Variants in DOCK9 observed in about 807,000 individuals in gnomAD.
DOCK9 encodes dedicator of cytokinesis 9.
Under a neutral mutation model 263.3 loss-of-function variants are expected in DOCK9, and 89 were observed. The ratio of observed to expected loss-of-function variants is 0.34; its 90% CI spans 0.28 to 0.40. The LOEUF (loss-of-function observed/expected upper bound fraction) is 0.40, where lower values mean the gene tolerates loss of function less well. DOCK9 is among the 10% of genes least tolerant of loss of function. The pLI, the probability that DOCK9 is intolerant of heterozygous loss-of-function variation, is 1.00. For synonymous variants in DOCK9, 976 were observed against 973.1 expected, an observed-to-expected ratio of 1.00 and a Z score of -0.06; for missense variants, 2,140 against 2,603.4, an observed-to-expected ratio of 0.82 and a Z score of 3.87.
In DOCK9 at chr13:98,867,912, A is replaced by G. The variant is rs570163842; in HGVS notation, c.3174+16T>C. 2.5e-6 allele frequency: 4 copies of G among 1,610,712 alleles called. No homozygotes were observed. In the African/African-American group the frequency reaches 4.0e-5, roughly 16 times the overall value. Reference sequence around the variant, plus strand: ...TACATGGTGACTTCTGTTACCAGTAACAACCCCCGCACTACCTTTGGGTCT... The same window carrying G: ...TACATGGTGACTTCTGTTACCAGTAGCAACCCCCGCACTACCTTTGGGTCT... On this transcript the variant is annotated intron_variant, in intron 29 of 52. Coordinates refer to ENST00000682017, the MANE Select transcript of DOCK9 (RefSeq NM_001366683.2).
At position 98,793,450 on chromosome 13, in the gene DOCK9, A is replaced by G. The variant is rs1345120006; in HGVS notation, c.*1176T>C. 6.6e-6 allele frequency: 1 copy of G among 152,436 alleles called. No homozygotes were observed. The highest frequency in any genetic ancestry group is 1.5e-5 in the Non-Finnish European group (1 of 68,036). The allele number at this position is 152,436 out of a possible 1,614,324, so 9.4% of individuals were successfully genotyped here. ...GAGGATTTTGGTATCCTGTTCCCTT[A>G]GGACTGCTGAACAATAAACACCCAG... On this transcript the variant is annotated 3_prime_UTR_variant, in exon 53 of 53. Transcript: ENST00000682017.
intron 1 of DOCK9, among the ~76,000 whole-genome samples, 158 bp downstream of exon 1, chr13:98,977,626 A>T (rs1435777138): frequency 6.6e-6 from 1 of 152,194 alleles, no homozygotes; most frequent in African/African-American, 2.4e-5. Context: ...TCAAAGGGGA[A>T]TCGAAGTCAT....
chr13:98,859,729 T>TTGTGTGTTTGTGTG (rs2093801166), intron 33 of DOCK9: 2 of 142,632 alleles, frequency 1.4e-5, no homozygotes, highest in African/African-American at 5.2e-5. Context: ...ATATGTGTGT[T>TTGTGTGTTTGTGTG]TGTGTGTGTG....
chr13:98,982,033 T>C (rs1244655517), upstream of DOCK9, among the ~76,000 whole-genome samples: 3 of 152,178 alleles, frequency 2.0e-5, no homozygotes, highest in Non-Finnish European at 4.4e-5. Flanking sequence ...ACAACAAACA[T>C]ATCTATGAAC....
At chr13:99,076,876 T>A (rs922410899) in intron 1 of DOCK9, among the ~76,000 whole-genome samples, 2 of 151,916 alleles carry the variant, frequency 1.3e-5, no homozygotes, top group Non-Finnish European at 2.9e-5. Context: ...ATAAATAAAT[T>A]GTGATAAGTG....
chr13:99,019,871 C>T (rs1369716641), intron 1 of DOCK9, among the ~76,000 whole-genome samples: 5 of 152,022 alleles, frequency 3.3e-5, no homozygotes, highest in African/African-American at 9.7e-5. Context: ...GAGGCCGAGG[C>T]GGGCAGATCA....
chr13:98,950,446 A>G (rs2057276742), intron 2 of DOCK9: 3 of 653,978 alleles, frequency 4.6e-6, no homozygotes, highest in Non-Finnish European at 8.0e-6. Flanking sequence ...TTGCTCTGCC[A>G]TCTTTCTAGT....
chr13:99,048,703 A>G (rs1345192399), intron 1 of DOCK9, among the ~76,000 whole-genome samples: 2 of 152,204 alleles, frequency 1.3e-5, no homozygotes, highest in Non-Finnish European at 2.9e-5. Flanking sequence ...GCTCACATGC[A>G]ACACTCCCAT....
intron 2 of DOCK9, among the ~76,000 whole-genome samples, chr13:98,942,220 GTTT>G (rs60412646): frequency 5.3e-5 from 7 of 132,430 alleles, no homozygotes; most frequent in African/African-American, 1.2e-4. Context: ...CTCTGGTTAT[GTTT>G]TTTTTTTTGT....
chr13:98,822,684 C>T (rs2092342887), intron 45 of DOCK9, among the ~76,000 whole-genome samples: 1 of 151,968 alleles, frequency 6.6e-6, no homozygotes, highest in Admixed American at 6.6e-5. Flanking sequence ...AACAAACAAA[C>T]AAACAAACAA....
chr13:99,029,498 T>C (rs995569491), intron 1 of DOCK9, among the ~76,000 whole-genome samples: 2 of 152,216 alleles, frequency 1.3e-5, no homozygotes, highest in African/African-American at 4.8e-5. Flanking sequence ...CCTGACTTTG[T>C]ATTACATTAG....
At chr13:98,909,032 A>T (rs991064796) in intron 9 of DOCK9, among the ~76,000 whole-genome samples, 20 of 152,200 alleles carry the variant, frequency 1.3e-4, no homozygotes, top group African/African-American at 4.8e-4. Context: ...TTGTGATGGT[A>T]AGAAGAGCCA....
chr13:98,959,166 A>G (rs1422625022), intron 1 of DOCK9, among the ~76,000 whole-genome samples: 2 of 152,244 alleles, frequency 1.3e-5, no homozygotes, highest in East Asian at 3.8e-4. Flanking sequence ...GTCTTCTGTT[A>G]AACAGAACTC....
At chr13:98,805,988 G>A (rs900724081) in intron 48 of DOCK9, among the ~76,000 whole-genome samples, 1 of 152,136 alleles carries the variant, frequency 6.6e-6, no homozygotes, top group Non-Finnish European at 1.5e-5. Flanking sequence ...TCGAACTCCC[G>A]ACCTCAGGTG....
intron 1 of DOCK9, among the ~76,000 whole-genome samples, chr13:99,071,768 C>T (rs9557131): frequency 0.53 from 79,949 of 151,970 alleles, 21,297 homozygotes; most frequent in South Asian, 0.68. Context: ...TTCCACCATT[C>T]GCTTTAGTTT....
intron 27 of DOCK9, among the ~76,000 whole-genome samples, chr13:98,878,003 T>C (rs1443147083): frequency 6.6e-6 from 1 of 152,206 alleles, no homozygotes; most frequent in East Asian, 1.9e-4. Flanking sequence ...CTTCCGAATA[T>C]GGCTGCACTT....
At chr13:99,076,562 T>C (rs987565382) in intron 1 of DOCK9, among the ~76,000 whole-genome samples, 2 of 152,164 alleles carry the variant, frequency 1.3e-5, no homozygotes, top group South Asian at 2.1e-4. Flanking sequence ...AAATTAGTCA[T>C]ATGTAGCAAT....
At chr13:98,981,007 A>G (rs1056561021), upstream of DOCK9, among the ~76,000 whole-genome samples, 2 of 152,116 alleles carry the variant, frequency 1.3e-5, no homozygotes, top group Non-Finnish European at 2.9e-5. Context: ...TCCATAATAT[A>G]TAACATCAAA....
At chr13:99,058,947 T>TAGGA (rs2041057112) in intron 1 of DOCK9, among the ~76,000 whole-genome samples, 1 of 152,196 alleles carries the variant, frequency 6.6e-6, no homozygotes, top group African/African-American at 2.4e-5. Flanking sequence ...GGAAGCCTCC[T>TAGGA]GGCTTTGGAA....
Sources: allele counts gnomAD v4.1 joint callset (sites outside exome capture counted in the v4.1 genomes callset), GRCh38; gene constraint gnomAD v4.1.1; transcripts MANE v1.5; gene names NCBI Gene and HGNC (gene_info 2026-07-23, HGNC 2026-07-21).